The following ARMH3 variants were observed in gnomAD, a reference collection of about 807,000 sequenced individuals.
ARMH3 encodes armadillo-like helical domain-containing protein 3.
Under a neutral mutation model 99.1 loss-of-function variants are expected in ARMH3, and 60 were observed. That is an observed-to-expected ratio of 0.61 (90% CI 0.49 to 0.75). The LOEUF (loss-of-function observed/expected upper bound fraction) is 0.75. ARMH3 is among the 30% of genes least tolerant of loss of function. The probability of loss-of-function intolerance (pLI) is 0.00; values close to 1 mark genes in which losing one functional copy is unlikely to be tolerated. For missense variants in ARMH3, 679 were observed against 843.1 expected, an observed-to-expected ratio of 0.81 and a Z score of 2.41; for synonymous variants, 285 against 292.8, an observed-to-expected ratio of 0.97 and a Z score of 0.27.
intron 1 of ARMH3, among the ~76,000 whole-genome samples, chr10:102,054,722 G>A (rs1384435696): frequency 1.3e-5 from 2 of 152,180 alleles, no homozygotes; most frequent in South Asian, 2.1e-4. Context: ...CTGGCCGGGC[G>A]CAGTGGCTCA....
chr10:101,849,993 C>T (rs947305593), intron 24 of ARMH3, 101 bp from the exon 25 acceptor site: 5 of 947,872 alleles, frequency 5.3e-6, no homozygotes, highest in East Asian at 2.6e-5. Context: ...TCTGTGACAA[C>T]ACCCCCAAGA....
At chr10:101,873,064 C>T (rs531778980) in intron 24 of ARMH3, among the ~76,000 whole-genome samples, 114 of 151,890 alleles carry the variant, frequency 7.5e-4, no homozygotes, top group Admixed American at 1.8e-3. Flanking sequence ...TTGGAACTTT[C>T]GTATGTTCGT....
At chr10:102,015,340 T>TA (rs950217800) in intron 8 of ARMH3, among the ~76,000 whole-genome samples, 36 of 151,748 alleles carry the variant, frequency 2.4e-4, no homozygotes, top group African/African-American at 8.7e-4. Context: ...TTTCTTGGCA[T>TA]AATTTTTGAA....
chr10:102,006,579 G>C lies in ARMH3; in HGVS notation c.1009C>G (p.Pro337Ala), dbSNP rs771849688. ...GGTGTGGTCCCAAGTGGTGTGACTG[G>C]GGTTGTAGGAGCAGGACTGACAGGG... The part of the protein sequence containing the change: ...TTPVSPAPTT[P>A]VTPLGTTPPS... Residue 337 changes from proline to alanine, a missense_variant, in exon 14 of 26, where the codon CCA becomes GCA. Coordinates refer to ENST00000370033, the MANE Select transcript of ARMH3 (RefSeq NM_024541.3). 10 of 1,613,958 alleles carry C rather than the reference G, an allele frequency of 6.2e-6. No individual in the cohort carries two copies. Among genetic ancestry groups the C allele is most frequent in the African/African-American group, 1.3e-5 (1 of 74,924 alleles).
At position 101,922,823 on chromosome 10, in the gene ARMH3, T is replaced by C. The variant is rs1843356022; in HGVS notation, c.1781+17040A>G. On this transcript the variant is annotated intron_variant, in intron 23 of 25. Coordinates refer to ENST00000370033, the MANE Select transcript of ARMH3 (RefSeq NM_024541.3). Reference sequence around the variant, plus strand: ...TAGCTACTCCTGCTGCCTTTTCAGATGTGTCACCAAGATGAATGCATGTGA... The same window carrying C: ...TAGCTACTCCTGCTGCCTTTTCAGACGTGTCACCAAGATGAATGCATGTGA... Among the ~76,000 whole-genome samples, 4 of 152,298 alleles carry C rather than the reference T, an allele frequency of 2.6e-5. No individual in the cohort carries two copies. The South Asian group carries it at 6.2e-4, about 24-fold the overall frequency.
At chr10:101,953,541 C>T (rs1047945401) in intron 22 of ARMH3, among the ~76,000 whole-genome samples, 2 of 133,546 alleles carry the variant, frequency 1.5e-5, no homozygotes, top group Admixed American at 7.8e-5. Flanking sequence ...CCGTGCCCAG[C>T]CTTTTTTTTT....
chr10:101,893,651 A>G (rs2067747127), intron 23 of ARMH3, among the ~76,000 whole-genome samples: 1 of 151,990 alleles, frequency 6.6e-6, no homozygotes, highest in Admixed American at 6.6e-5. Context: ...CAAGGAAACA[A>G]AGCAAGGACA....
chr10:101,957,578 CCT>C, intron 21 of ARMH3, 70 bp downstream of exon 21: 1 of 1,498,828 alleles, frequency 6.7e-7, no homozygotes, highest in Non-Finnish European at 9.0e-7. Flanking sequence ...ACCACCAGCT[CCT>C]GTTTCAAACC....
At chr10:101,873,430 A>C (rs891172335) in intron 24 of ARMH3, among the ~76,000 whole-genome samples, 1 of 151,274 alleles carries the variant, frequency 6.6e-6, no homozygotes, top group Non-Finnish European at 1.5e-5. Flanking sequence ...AACAAAACAA[A>C]AACAAACAAA....
intron 23 of ARMH3, among the ~76,000 whole-genome samples, chr10:101,930,169 TC>T (rs1843662059): frequency 6.6e-6 from 1 of 152,006 alleles, no homozygotes; most frequent in Non-Finnish European, 1.5e-5. Context: ...CATCTGAAAA[TC>T]AATTAATGTA....
chr10:102,010,702 T>C (rs1016104157), intron 11 of ARMH3, among the ~76,000 whole-genome samples: 3 of 152,216 alleles, frequency 2.0e-5, no homozygotes, highest in Admixed American at 6.5e-5. Context: ...CCTATGCTCC[T>C]AGAGCTTCAT....
chr10:101,940,157 T>C (rs1186292201), intron 22 of ARMH3, among the ~76,000 whole-genome samples: 1 of 152,244 alleles, frequency 6.6e-6, no homozygotes, highest in East Asian at 1.9e-4. Context: ...CTTTTCACTT[T>C]CTATCAAAAT....
chr10:101,984,886 T>C (rs1284106341), intron 19 of ARMH3, among the ~76,000 whole-genome samples: 1 of 151,864 alleles, frequency 6.6e-6, no homozygotes, highest in Non-Finnish European at 1.5e-5. Flanking sequence ...CTGGCCAAGA[T>C]GGTGAAACCC....
intron 1 of ARMH3, among the ~76,000 whole-genome samples, chr10:102,052,926 C>G (rs1350130235): frequency 6.6e-6 from 1 of 152,010 alleles, no homozygotes; most frequent in Non-Finnish European, 1.5e-5. Flanking sequence ...TTTCCATACC[C>G]TAACCTTTGG....
chr10:102,014,347 T>C (rs1199599122), intron 8 of ARMH3, among the ~76,000 whole-genome samples: 1 of 152,204 alleles, frequency 6.6e-6, no homozygotes, highest in Non-Finnish European at 1.5e-5. Flanking sequence ...AGTAAGTGAG[T>C]GCTCCACAAC....
chr10:101,904,439 A>C (rs2068053598), intron 23 of ARMH3, among the ~76,000 whole-genome samples: 1 of 152,026 alleles, frequency 6.6e-6, no homozygotes, highest in South Asian at 2.1e-4. Context: ...AATCCCTTAT[A>C]ATTCAGTGAA....
At chr10:101,985,315 C>CATATATATATATACATGTATATACAT (rs79499574) in intron 19 of ARMH3, among the ~76,000 whole-genome samples, 1 of 147,338 alleles carries the variant, frequency 6.8e-6, no homozygotes, top group Non-Finnish European at 1.5e-5. Context: ...CATGTATATA[C>CATATATATATATACATGTATATACAT]ATATATATAT....
At chr10:101,860,825 G>C (rs962213959) in intron 24 of ARMH3, among the ~76,000 whole-genome samples, 20 of 152,152 alleles carry the variant, frequency 1.3e-4, no homozygotes, top group African/African-American at 4.8e-4. Context: ...ACTAGCCCTA[G>C]AGTAAAGGCT....
intron 24 of ARMH3, among the ~76,000 whole-genome samples, chr10:101,854,760 C>T (rs2066692143): frequency 1.3e-5 from 2 of 152,022 alleles, no homozygotes; most frequent in Admixed American, 1.3e-4. Flanking sequence ...TAAATTTATA[C>T]AAGTTTCTTA....
Sources: allele counts gnomAD v4.1 joint callset (sites outside exome capture counted in the v4.1 genomes callset), GRCh38; gene constraint gnomAD v4.1.1; transcripts MANE v1.5; gene names NCBI Gene and HGNC (gene_info 2026-07-23, HGNC 2026-07-21).